Variants in PLXNA2 observed in about 807,000 individuals in gnomAD.
PLXNA2 encodes plexin A2, also known as plexin-A2.
PLXNA2 carries 91 observed loss-of-function variants against 193.5 expected under a neutral mutation model. The ratio of observed to expected loss-of-function variants is 0.47; its 90% CI spans 0.40 to 0.56. The LOEUF is 0.56. Ranked by LOEUF, PLXNA2 falls within the 20% of genes least tolerant of loss-of-function variation. The pLI is 0.00. For synonymous variants in PLXNA2, 997 were observed against 1,027.3 expected, an observed-to-expected ratio of 0.97 and a Z score of 0.56; for missense variants, 1,995 against 2,503.2, an observed-to-expected ratio of 0.80 and a Z score of 4.33.
rs201132484 is a variant in PLXNA2, at chr1:208,042,275, C to T, written c.4109G>A (p.Arg1370His). The T allele has an allele frequency of 2.0e-5, 33 of 1,614,198 alleles. No individual in the cohort carries two copies. Among genetic ancestry groups the T allele is most frequent in the East Asian group, 4.5e-5 (2 of 44,888 alleles). The change falls in exon 22 of 32, where the codon CGC (arginine) becomes CAC (histidine). Residue 1370 changes from arginine to histidine, a missense_variant. Coordinates refer to ENST00000367033, the MANE Select transcript of PLXNA2 (RefSeq NM_025179.4). ...NNKVFLLTFI[R>H]TLELQRSFSM... The stretch of plus-strand genomic sequence containing the variant: ...GAAACTGCGCTGCAGCTCCAGGGTG[C>T]GGATGAAGGTCAGCAGGAACACCTT...
At chr1:208,158,445 C>T (rs1669005337) in intron 3 of PLXNA2, among the ~76,000 whole-genome samples, 1 of 152,154 alleles carries the variant, frequency 6.6e-6, no homozygotes, top group Non-Finnish European at 1.5e-5. Context: ...ACCTGCATTT[C>T]CCCCTGTCTG....
At chr1:208,058,595 AC>A (rs1435413681) in intron 13 of PLXNA2, among the ~76,000 whole-genome samples, 1 of 152,082 alleles carries the variant, frequency 6.6e-6, no homozygotes, top group Non-Finnish European at 1.5e-5. Context: ...ACAGCTGGAA[AC>A]CAGGGCTGCA....
At chr1:208,029,143 A>T in intron 29 of PLXNA2, 101 bp from the exon 30 acceptor site, 3 of 1,527,266 alleles carry the variant, frequency 2.0e-6, no homozygotes, top group South Asian at 2.5e-5. Flanking sequence ...TGTCCACCTG[A>T]AGGGGCAAAG....
At chr1:208,070,865 G>T (rs548641083) in intron 12 of PLXNA2, among the ~76,000 whole-genome samples, 185 of 152,352 alleles carry the variant, frequency 1.2e-3, no homozygotes, top group Non-Finnish European at 2.2e-3. Context: ...TTTTTCTCAT[G>T]ACTGTTTTAT....
intron 4 of PLXNA2, among the ~76,000 whole-genome samples, chr1:208,118,990 G>A (rs1667726034): frequency 6.6e-6 from 1 of 152,080 alleles, no homozygotes; most frequent in South Asian, 2.1e-4. Flanking sequence ...TAATACAATG[G>A]CTTGATTCCC....
chr1:208,027,163 A>G lies in PLXNA2; in HGVS notation c.*80T>C, dbSNP rs912116959. ...CAGCAAGCTCTGGGGCCTGATCCCC[A>G]TCACTTGTCCTTCCATCTGAGACTC... On this transcript the variant is annotated 3_prime_UTR_variant, in exon 32 of 32. Coordinates refer to ENST00000367033, the MANE Select transcript of PLXNA2 (RefSeq NM_025179.4). 11 of 1,269,272 alleles carry G rather than the reference A, an allele frequency of 8.7e-6. No homozygotes were observed. Among genetic ancestry groups the G allele is most frequent in the Middle Eastern group, 2.5e-4 (1 of 3,936 alleles). 78.6% of individuals were successfully genotyped at this position (1,269,272 alleles called of 1,614,324 possible). A position where few individuals can be genotyped will look rare whatever the true frequency, so the allele number is the denominator to read the frequency against.
intron 29 of PLXNA2, chr1:208,030,808 C>G: frequency 2.0e-6 from 2 of 985,424 alleles, no homozygotes; most frequent in Non-Finnish European, 2.4e-6. Context: ...CAAAGGAAGC[C>G]TTTTGATGCC....
intron 3 of PLXNA2, among the ~76,000 whole-genome samples, chr1:208,205,797 T>G (rs1290072786): frequency 6.6e-6 from 1 of 152,148 alleles, no homozygotes; most frequent in African/African-American, 2.4e-5. Flanking sequence ...CTTCCTTATA[T>G]GAAGGGGAAA....
At chr1:208,234,614 G>A (rs909074899) in intron 1 of PLXNA2, among the ~76,000 whole-genome samples, 11 of 152,278 alleles carry the variant, frequency 7.2e-5, no homozygotes, top group Admixed American at 2.6e-4. Flanking sequence ...GAGCCCCAGC[G>A]TCCAGCTTGG....
At chr1:208,145,177 G>A (rs1668567496) in intron 3 of PLXNA2, among the ~76,000 whole-genome samples, 1 of 152,180 alleles carries the variant, frequency 6.6e-6, no homozygotes, top group African/African-American at 2.4e-5. Context: ...TCAGTTTTCT[G>A]TCTCCATAAA....
chr1:208,121,545 A>G, intron 4 of PLXNA2, among the ~76,000 whole-genome samples: 1 of 152,010 alleles, frequency 6.6e-6, no homozygotes, highest in East Asian at 1.9e-4. Context: ...ATGGCTTTAT[A>G]AGCATCTGGC....
chr1:208,079,594 CTG>C (rs984888709), intron 11 of PLXNA2, 144 bp from the exon 12 acceptor site: 1 of 630,950 alleles, frequency 1.6e-6, no homozygotes, highest in African/African-American at 1.8e-5. Context: ...GCAAGAATGA[CTG>C]AGGAATTAGT....
chr1:208,046,075 G>A lies in PLXNA2; in HGVS notation c.3298C>T (p.Pro1100Ser). 1 of 1,614,248 alleles carries A rather than the reference G, an allele frequency of 6.2e-7. No individual in the cohort carries two copies. The highest frequency in any genetic ancestry group is 8.5e-7 in the Non-Finnish European group (1 of 1,180,048). ...GGGCGGTAGTCCGTGGTCAGAGAGGGTGCCAGGCAGGTGAGGGTGGTTGTG... is the reference window on the plus strand; with the variant it reads ...GGGCGGTAGTCCGTGGTCAGAGAGGATGCCAGGCAGGTGAGGGTGGTTGTG... ...VNTTTLTCLA[P>S]SLTTDYRPGL... The change falls in exon 18 of 32, where the codon CCC becomes TCC. Residue 1100 changes from proline (P) to serine (S), a missense_variant. By Grantham distance (74) the Pro-to-Ser change is moderately conservative. Coordinates refer to ENST00000367033, the MANE Select transcript of PLXNA2 (RefSeq NM_025179.4).
At chr1:208,111,236 A>T (rs1185486309) in intron 4 of PLXNA2, among the ~76,000 whole-genome samples, 10 of 152,082 alleles carry the variant, frequency 6.6e-5, no homozygotes, top group East Asian at 3.9e-4. Flanking sequence ...ATTTAATTTA[A>T]TTTATTTTTT....
intron 4 of PLXNA2, among the ~76,000 whole-genome samples, chr1:208,129,165 C>T (rs767727353): frequency 6.6e-5 from 10 of 152,174 alleles, no homozygotes; most frequent in African/African-American, 7.2e-5. Flanking sequence ...TTCCATGAAC[C>T]TGGGATGGGC....
Position 208,098,834 on chromosome 1 carries a change from T to A in PLXNA2, c.1731+12A>T. 1 of 1,612,450 alleles carries A rather than the reference T, an allele frequency of 6.2e-7. No homozygotes were observed. Among genetic ancestry groups the A allele is most frequent in the Non-Finnish European group, 8.5e-7 (1 of 1,179,122 alleles). ...TATTCCCTCTCCCCATGCCCCTGGA[T>A]GAGTTACTTACCAACCGGCTGTGCT... On this transcript the variant is annotated intron_variant, in intron 6 of 31. Transcript: ENST00000367033.
intron 1 of PLXNA2, among the ~76,000 whole-genome samples, chr1:208,237,417 C>T (rs1260278053): frequency 6.6e-6 from 1 of 152,174 alleles, no homozygotes; most frequent in East Asian, 1.9e-4. Context: ...CCTCTACACG[C>T]CAGCTCCAGA....
chr1:208,104,931 T>G (rs1183592411), intron 4 of PLXNA2, among the ~76,000 whole-genome samples: 3 of 152,160 alleles, frequency 2.0e-5, no homozygotes, highest in African/African-American at 7.2e-5. Flanking sequence ...ATAGTTCAAG[T>G]GTGATAGACC....
At chr1:208,101,745 C>T (rs931901775) in intron 5 of PLXNA2, among the ~76,000 whole-genome samples, 5 of 152,066 alleles carry the variant, frequency 3.3e-5, no homozygotes, top group Non-Finnish European at 5.9e-5. Context: ...TTGGTGTGTT[C>T]GACATGGGAG....
Sources: gnomAD v4.1 joint callset for allele counts (sites outside exome capture counted in the v4.1 genomes callset) on GRCh38, gnomAD v4.1.1 for gene constraint, MANE v1.5 for transcripts, NCBI Gene and HGNC (gene_info 2026-07-23, HGNC 2026-07-21) for gene names.